The following BACE2 variants were observed in gnomAD, a reference collection of about 807,000 sequenced individuals.
The protein encoded by BACE2 is 56 kDa aspartic-like protease.
A neutral mutation model predicts 46.2 loss-of-function variants in BACE2; 17 were observed. That is an observed-to-expected ratio of 0.37 (90% confidence interval 0.25 to 0.55). The LOEUF is 0.55. BACE2 is among the 20% of genes least tolerant of loss of function. The probability of loss-of-function intolerance (pLI) is 0.82; values close to 1 mark genes in which losing one functional copy is unlikely to be tolerated. For missense variants in BACE2, 595 were observed against 698.1 expected (o/e 0.85, Z 1.66); for synonymous variants, 277 against 295.9 (o/e 0.94, Z 0.66).
chr21:41,269,883 A>G (rs1415287886), intron 8 of BACE2, among the ~76,000 whole-genome samples: 2 of 152,222 alleles, frequency 1.3e-5, no homozygotes, highest in Non-Finnish European at 2.9e-5. Flanking sequence ...TGAGTTACAT[A>G]ACATGTATGT....
intron 1 of BACE2, among the ~76,000 whole-genome samples, chr21:41,200,512 G>A (rs1019084537): frequency 6.6e-6 from 1 of 152,166 alleles, no homozygotes; most frequent in African/African-American, 2.4e-5. Context: ...TGTTCTGCAG[G>A]TCTCAGGACC....
chr21:41,230,730 T>G (rs1986946204), intron 2 of BACE2, among the ~76,000 whole-genome samples: 1 of 152,198 alleles, frequency 6.6e-6, no homozygotes, highest in Non-Finnish European at 1.5e-5. Context: ...ATTTATGGAA[T>G]GAGATGTCAG....
At chr21:41,262,124 C>T (rs1446173363) in intron 8 of BACE2, among the ~76,000 whole-genome samples, 2 of 152,078 alleles carry the variant, frequency 1.3e-5, no homozygotes, top group African/African-American at 4.8e-5. Context: ...CCAGGTGTCC[C>T]CAGAATGTTT....
intron 1 of BACE2, among the ~76,000 whole-genome samples, chr21:41,198,372 G>A (rs983568421): frequency 1.3e-5 from 2 of 152,164 alleles, no homozygotes; most frequent in African/African-American, 2.4e-5. Context: ...GAAGCCTTGC[G>A]GGGAATGATG....
intron 2 of BACE2, among the ~76,000 whole-genome samples, chr21:41,229,493 C>G (rs1274896682): frequency 6.6e-6 from 1 of 152,156 alleles, no homozygotes; most frequent in South Asian, 2.1e-4. Context: ...CTGTGGCAGC[C>G]GCTCATCGCC....
At chr21:41,272,732 C>A (rs1440242544) in intron 8 of BACE2, among the ~76,000 whole-genome samples, 1 of 151,946 alleles carries the variant, frequency 6.6e-6, no homozygotes, top group Non-Finnish European at 1.5e-5. Context: ...ATCTTGATAT[C>A]CTGCCTGCTA....
intron 1 of BACE2, among the ~76,000 whole-genome samples, chr21:41,212,923 A>G (rs1225172432): frequency 1.3e-5 from 2 of 152,162 alleles, no homozygotes; most frequent in Non-Finnish European, 2.9e-5. Context: ...AGTTTAGCCT[A>G]CCCTTGCCAT....
At chr21:41,191,196 A>G (rs918261205) in intron 1 of BACE2, among the ~76,000 whole-genome samples, 4 of 152,200 alleles carry the variant, frequency 2.6e-5, no homozygotes, top group African/African-American at 9.6e-5. Context: ...TGTCCCAGGC[A>G]TGCAAAGTAT....
chr21:41,272,649 T>C (rs971089904), intron 8 of BACE2, among the ~76,000 whole-genome samples: 2 of 152,238 alleles, frequency 1.3e-5, no homozygotes, highest in African/African-American at 4.8e-5. Context: ...AGATCTTTAA[T>C]GTCTTCCGTG....
chr21:41,223,858 C>T (rs913506385), intron 1 of BACE2, among the ~76,000 whole-genome samples: 9 of 152,120 alleles, frequency 5.9e-5, no homozygotes, highest in African/African-American at 2.2e-4. Flanking sequence ...CGTCAACATG[C>T]GGATGGCATT....
At chr21:41,210,988 C>T (rs1227438795) in intron 1 of BACE2, among the ~76,000 whole-genome samples, 1 of 152,206 alleles carries the variant, frequency 6.6e-6, no homozygotes, top group African/African-American at 2.4e-5. Context: ...CACAAAGGCA[C>T]ACTTCCCAGA....
intron 1 of BACE2, among the ~76,000 whole-genome samples, chr21:41,203,764 G>A (rs932514312): frequency 6.6e-6 from 1 of 152,090 alleles, no homozygotes; most frequent in African/African-American, 2.4e-5. Flanking sequence ...AGGTGAGGAA[G>A]GGTCAGTAAA....
chr21:41,212,283 C>A (rs754190504), intron 1 of BACE2, among the ~76,000 whole-genome samples: 19 of 152,170 alleles, frequency 1.2e-4, no homozygotes, highest in Non-Finnish European at 5.9e-5. Flanking sequence ...AGCGCTCTCA[C>A]GTACTTTTGT....
chr21:41,173,837 C>T (rs2123484040), intron 1 of BACE2, among the ~76,000 whole-genome samples: 1 of 152,168 alleles, frequency 6.6e-6, no homozygotes, highest in African/African-American at 2.4e-5. Context: ...CCAATGTGTA[C>T]AAGATTAGAT....
chr21:41,249,811 G>A (rs769004548), intron 6 of BACE2, among the ~76,000 whole-genome samples: 1 of 152,186 alleles, frequency 6.6e-6, no homozygotes. Context: ...CAGACCCAGG[G>A]TGGACTGCTC....
chr21:41,268,703 AT>A (rs1329608417), intron 8 of BACE2, among the ~76,000 whole-genome samples: 1 of 152,188 alleles, frequency 6.6e-6, no homozygotes, highest in Non-Finnish European at 1.5e-5. Context: ...ATGCCTATAA[AT>A]AGCCGCTGCA....
In BACE2 at chr21:41,253,374, A is replaced by G. The variant is rs955240470; in HGVS notation, c.1134+2473A>G. Among the ~76,000 whole-genome samples the G allele has an allele frequency of 4.0e-5, 6 of 150,646 alleles. No individual in the cohort carries two copies. In the Admixed American group the frequency reaches 4.0e-4, roughly 10 times the overall value. On this transcript the variant is annotated intron_variant, in intron 7 of 8. Transcript: ENST00000330333. ...GGAGAGTCGCTTGAACCTGGGAGGC[A>G]GAGGTTGCAGTGAGCTGAGATCGTG...
chr21:41,278,250 A>G lies in BACE2; in HGVS notation c.*2626A>G, dbSNP rs558038633. The G allele has an allele frequency of 2.5e-4, 38 of 152,352 alleles. No individual in the cohort carries two copies. The highest frequency in any genetic ancestry group is 7.0e-4 in the African/African-American group (29 of 41,578). The allele number at this position is 152,352 out of a possible 1,614,324, so 9.4% of individuals were successfully genotyped here. On this transcript the variant is annotated 3_prime_UTR_variant, in exon 9 of 9. Coordinates refer to ENST00000330333, the MANE Select transcript of BACE2 (RefSeq NM_012105.5). The stretch of plus-strand genomic sequence containing the variant: ...GAATAGATGCTGCTTTATTTCCTTG[A>G]TAACTTCTTTGGAAGTCTGAAATAA...
chr21:41,241,177 C>T (rs1987276201), intron 3 of BACE2, among the ~76,000 whole-genome samples: 1 of 152,148 alleles, frequency 6.6e-6, no homozygotes, highest in Non-Finnish European at 1.5e-5. Context: ...CTCTGTATGT[C>T]TTGCTGGATG....
Sources: allele counts gnomAD v4.1 joint callset (sites outside exome capture counted in the v4.1 genomes callset), GRCh38; gene constraint gnomAD v4.1.1; transcripts MANE v1.5; gene names NCBI Gene and HGNC (gene_info 2026-07-23, HGNC 2026-07-21).